Variants in ADAMTSL1 observed in about 807,000 individuals in gnomAD.
ADAMTSL1 encodes the protein ADAMTS like 1, also known as ADAMTS-like protein 1.
In ADAMTSL1, 126 loss-of-function variants were observed where a neutral mutation model predicts 201.8. That is an observed-to-expected ratio of 0.62 (90% confidence interval 0.54 to 0.72). ADAMTSL1 has a LOEUF of 0.72. Ranked by LOEUF, ADAMTSL1 falls within the 30% of genes least tolerant of loss-of-function variation. The pLI is 0.00. For synonymous variants in ADAMTSL1, 1,121 were observed against 903.4 expected (o/e 1.24, Z -4.32); for missense variants, 2,679 against 2,277.8 (o/e 1.18, Z -3.59).
intron 23 of ADAMTSL1, among the ~76,000 whole-genome samples, chr9:18,863,888 T>C (rs1395980075): frequency 3.3e-5 from 5 of 152,094 alleles, no homozygotes; most frequent in Non-Finnish European, 5.9e-5. Flanking sequence ...TTTTGGAAAA[T>C]TAAATTAAGG....
At chr9:18,518,559 T>G (rs1293678940) in intron 2 of ADAMTSL1, among the ~76,000 whole-genome samples, 2 of 152,212 alleles carry the variant, frequency 1.3e-5, no homozygotes, top group South Asian at 4.1e-4. Flanking sequence ...TTGATGGACA[T>G]TTAGGCTGAT....
intron 9 of ADAMTSL1, among the ~76,000 whole-genome samples, chr9:18,662,346 A>AG: frequency 6.6e-6 from 1 of 152,154 alleles, no homozygotes; most frequent in South Asian, 2.1e-4. Context: ...ATTTCCTTTC[A>AG]TTCTGGTTCC....
At position 18,110,343 on chromosome 9, in the gene ADAMTSL1, G is replaced by A. The variant is rs554682601; in HGVS notation, c.88-53519G>A. Among the ~76,000 whole-genome samples the A allele has an allele frequency of 9.0e-5, 13 of 145,126 alleles. No individual in the cohort carries two copies. In the South Asian group the frequency reaches 1.7e-3, roughly 19 times the overall value. On this transcript the variant is annotated intron_variant, in intron 1 of 29. Transcript: ENST00000680146. ...TTCCTCAAAAAGGAACTGGATTTGC[G>A]AACTGTGGCCCAGCGAATGCTGCAG... is the stretch of plus-strand genomic sequence containing the variant.
At chr9:18,006,278 C>T (rs1819822992) in intron 1 of ADAMTSL1, among the ~76,000 whole-genome samples, 2 of 151,928 alleles carry the variant, frequency 1.3e-5, no homozygotes, top group Non-Finnish European at 2.9e-5. Context: ...ATAATTAGGA[C>T]ATTCTGTTTT....
intron 1 of ADAMTSL1, among the ~76,000 whole-genome samples, chr9:17,969,689 C>T (rs946029764): frequency 6.6e-6 from 1 of 151,926 alleles, no homozygotes; most frequent in African/African-American, 2.4e-5. Context: ...AAACACATGT[C>T]TAATCTATAC....
intron 3 of ADAMTSL1, among the ~76,000 whole-genome samples, chr9:18,554,970 T>C (rs1024076760): frequency 6.6e-6 from 1 of 151,866 alleles, no homozygotes; most frequent in African/African-American, 2.4e-5. Context: ...TCCACCTCTG[T>C]AGTATCATAC....
At chr9:18,440,964 A>G (rs1291959776) in intron 2 of ADAMTSL1, among the ~76,000 whole-genome samples, 3 of 152,160 alleles carry the variant, frequency 2.0e-5, no homozygotes, top group Non-Finnish European at 4.4e-5. Flanking sequence ...AGAGAAGAAA[A>G]TGTTGGAATA....
intron 1 of ADAMTSL1, among the ~76,000 whole-genome samples, chr9:17,990,998 A>G (rs1819129091): frequency 6.6e-6 from 1 of 152,166 alleles, no homozygotes; most frequent in African/African-American, 2.4e-5. Context: ...GGAAACATTA[A>G]CTTTGACAGA....
chr9:18,727,015 G>T (rs553670866), intron 15 of ADAMTSL1, among the ~76,000 whole-genome samples: 1 of 152,142 alleles, frequency 6.6e-6, no homozygotes, highest in Non-Finnish European at 1.5e-5. Flanking sequence ...ACGTCTGAAA[G>T]GTCACAGAGT....
At chr9:18,571,290 G>A (rs73429674) in intron 3 of ADAMTSL1, among the ~76,000 whole-genome samples, 41,306 of 152,044 alleles carry the variant, frequency 0.27, 6,147 homozygotes, top group Admixed American at 0.36. Flanking sequence ...GCTCATTAAG[G>A]CAGAGGCGAT....
In ADAMTSL1 at chr9:18,354,788, A is replaced by G. The variant is rs925192872; in HGVS notation, c.208-150041A>G. Among the ~76,000 whole-genome samples the G allele has an allele frequency of 2.6e-5, 4 of 152,080 alleles. No homozygotes were observed. The East Asian group carries it at 7.7e-4, about 29-fold the overall frequency. ...TTTGAGACCAGTCTGGCCAACGTAT[A>G]GTGAAACCCCATCTCTACTGAAAAA... On this transcript the variant is annotated intron_variant, in intron 2 of 29. Coordinates refer to the ADAMTSL1 transcript ENST00000680146.
At chr9:18,552,544 ATATGAG>A (rs1400559489) in intron 3 of ADAMTSL1, among the ~76,000 whole-genome samples, 7 of 151,928 alleles carry the variant, frequency 4.6e-5, no homozygotes, top group African/African-American at 1.7e-4. Context: ...GTAAATTTCT[ATATGAG>A]TATATCAAAT....
intron 23 of ADAMTSL1, among the ~76,000 whole-genome samples, chr9:18,862,397 C>A: frequency 6.6e-6 from 1 of 152,070 alleles, no homozygotes; most frequent in Admixed American, 6.6e-5. Flanking sequence ...TTTCCATTGG[C>A]TGGAGTGAGG....
At chr9:18,441,210 A>G (rs1408725657) in intron 2 of ADAMTSL1, among the ~76,000 whole-genome samples, 3 of 152,120 alleles carry the variant, frequency 2.0e-5, no homozygotes, top group Non-Finnish European at 2.9e-5. Flanking sequence ...TAAGAATGTT[A>G]TGGAATTAGT....
At chr9:18,271,400 C>A (rs995137620) in intron 2 of ADAMTSL1, among the ~76,000 whole-genome samples, 1 of 151,992 alleles carries the variant, frequency 6.6e-6, no homozygotes, top group Non-Finnish European at 1.5e-5. Context: ...TGTTCAATTC[C>A]CACCTATGAG....
chr9:18,608,755 A>T (rs1825191941), intron 4 of ADAMTSL1, among the ~76,000 whole-genome samples: 1 of 152,194 alleles, frequency 6.6e-6, no homozygotes, highest in African/African-American at 2.4e-5. Flanking sequence ...ATTAAAAATC[A>T]GCCAGCTCAC....
At chr9:18,712,469 C>T (rs530456623) in intron 14 of ADAMTSL1, among the ~76,000 whole-genome samples, 2 of 151,540 alleles carry the variant, frequency 1.3e-5, no homozygotes, top group East Asian at 1.9e-4. Flanking sequence ...CCTCAGGAGC[C>T]GATGCGATCA....
intron 1 of ADAMTSL1, among the ~76,000 whole-genome samples, chr9:18,110,141 T>G (rs1031710860): frequency 5.9e-5 from 9 of 152,200 alleles, no homozygotes; most frequent in African/African-American, 2.2e-4. Context: ...TTACTCAGTT[T>G]TCCTCTAATT....
At chr9:18,262,120 A>G (rs1831947125) in intron 2 of ADAMTSL1, among the ~76,000 whole-genome samples, 2 of 152,364 alleles carry the variant, frequency 1.3e-5, no homozygotes, top group African/African-American at 2.4e-5. Context: ...ATAGCCAGGC[A>G]AACCCTACGA....
Sources: allele counts gnomAD v4.1 joint callset (sites outside exome capture counted in the v4.1 genomes callset), GRCh38; gene constraint gnomAD v4.1.1; transcripts MANE v1.5; gene names NCBI Gene and HGNC (gene_info 2026-07-23, HGNC 2026-07-21).